XPO7: variants seen among roughly 807,000 people sequenced by gnomAD.
XPO7 encodes the protein exportin 7, also known as exportin-7.
A neutral mutation model predicts 144.3 loss-of-function variants in XPO7; 21 were observed. That is an observed-to-expected ratio of 0.15 (90% CI 0.10 to 0.21). XPO7 has a LOEUF of 0.21. XPO7 is among the 10% of genes least tolerant of loss of function. The pLI, the probability that XPO7 is intolerant of heterozygous loss-of-function variation, is 1.00. For synonymous variants in XPO7, 580 were observed against 499.6 expected (o/e 1.16, Z -2.15); for missense variants, 808 against 1,325.8 (o/e 0.61, Z 6.06).
chr8:22,002,721 T>TA (rs1385584528), intron 25 of XPO7, among the ~76,000 whole-genome samples: 1 of 152,188 alleles, frequency 6.6e-6, no homozygotes, highest in Non-Finnish European at 1.5e-5. Context: ...TGCCTTGAAG[T>TA]AACTTACAGA....
At chr8:21,928,436 C>T (rs966490732) in intron 1 of XPO7, among the ~76,000 whole-genome samples, 2 of 152,158 alleles carry the variant, frequency 1.3e-5, no homozygotes, top group Non-Finnish European at 2.9e-5. Context: ...ATTTTTATTT[C>T]TCTTGAGTAC....
chr8:21,985,797 C>A, intron 13 of XPO7, 106 bp downstream of exon 13: 1 of 904,518 alleles, frequency 1.1e-6, no homozygotes, highest in South Asian at 1.4e-5. Context: ...TGCTAACTGC[C>A]CATGAGACAC....
intron 1 of XPO7, among the ~76,000 whole-genome samples, chr8:21,930,258 T>A (rs1384052810): frequency 6.6e-6 from 1 of 152,230 alleles, no homozygotes; most frequent in Non-Finnish European, 1.5e-5. Flanking sequence ...GATACACACA[T>A]CAGTAAACAT....
intron 5 of XPO7, among the ~76,000 whole-genome samples, chr8:21,972,919 C>G (rs994955793): frequency 7.2e-5 from 11 of 152,182 alleles, no homozygotes; most frequent in Admixed American, 5.2e-4. Context: ...CATGCAATCC[C>G]CGTTGTGATC....
At chr8:21,924,654 T>C (rs1299145368) in intron 1 of XPO7, among the ~76,000 whole-genome samples, 1 of 152,154 alleles carries the variant, frequency 6.6e-6, no homozygotes, top group Non-Finnish European at 1.5e-5. Context: ...AGAGTGTGCC[T>C]ACACAAAATT....
At chr8:21,940,275 T>C (rs1349139422) in intron 1 of XPO7, among the ~76,000 whole-genome samples, 1 of 152,214 alleles carries the variant, frequency 6.6e-6, no homozygotes, top group African/African-American at 2.4e-5. Flanking sequence ...CCCTGCCTAT[T>C]TCTTTGTGAG....
At chr8:21,962,853 C>G (rs1811769149) in intron 1 of XPO7, among the ~76,000 whole-genome samples, 1 of 152,098 alleles carries the variant, frequency 6.6e-6, no homozygotes, top group Non-Finnish European at 1.5e-5. Context: ...TGGATACTCA[C>G]TTATTGACTA....
intron 1 of XPO7, among the ~76,000 whole-genome samples, chr8:21,922,778 AGACT>A (rs1810331374): frequency 6.6e-6 from 1 of 152,210 alleles, no homozygotes; most frequent in South Asian, 2.1e-4. Flanking sequence ...ATGGAAATGA[AGACT>A]GATTCCAGGA....
At chr8:21,951,597 C>T (rs796829277) in intron 1 of XPO7, among the ~76,000 whole-genome samples, 17 of 152,178 alleles carry the variant, frequency 1.1e-4, no homozygotes, top group African/African-American at 3.4e-4. Context: ...CAGTTAAAGC[C>T]CTTTTCTGAT....
chr8:21,948,000 T>C (rs1281802814), intron 1 of XPO7, among the ~76,000 whole-genome samples: 1 of 152,218 alleles, frequency 6.6e-6, no homozygotes. Context: ...ACAGTGGATT[T>C]GAAAACCAGA....
intron 26 of XPO7, 88 bp from the exon 27 acceptor site, chr8:22,003,812 GAGA>G (rs1344645504): frequency 1.9e-6 from 3 of 1,563,782 alleles, no homozygotes; most frequent in African/African-American, 2.7e-5. Context: ...TTCCTCCTTA[GAGA>G]AGAACATTCT....
intron 5 of XPO7, 120 bp from the exon 6 acceptor site, chr8:21,974,550 A>G: frequency 3.0e-6 from 2 of 663,022 alleles, no homozygotes; most frequent in Non-Finnish European, 5.0e-6. Context: ...TAAATGTTAA[A>G]AATGTATTTT....
rs910369490 is a variant in XPO7, at chr8:21,987,792, C to G, written c.1722C>G (p.Arg574=). ...DQVQKSSKLY[R]RLSEVLGLND... ...TCTCTTCTTAACACCAGCTGTACCG[C>G]CGACTCTCAGAAGTTCTGGGCTTGA... Residue 574 remains arginine, a synonymous_variant, in exon 15 of 28, where the codon CGC becomes CGG. Transcript: ENST00000252512. 9 of 1,613,778 alleles carry G rather than the reference C, an allele frequency of 5.6e-6. No homozygotes were observed. The African/African-American group carries it at 1.2e-4, about 22-fold the overall frequency.
intron 1 of XPO7, among the ~76,000 whole-genome samples, chr8:21,925,419 A>G (rs1191218839): frequency 1.3e-5 from 2 of 152,230 alleles, no homozygotes; most frequent in East Asian, 3.8e-4. Context: ...CACCGCAGCA[A>G]TGTAACATCG....
intron 1 of XPO7, among the ~76,000 whole-genome samples, chr8:21,947,257 T>C (rs541776349): frequency 6.6e-6 from 1 of 152,286 alleles, no homozygotes; most frequent in Admixed American, 6.5e-5. Flanking sequence ...TCACTGTTAC[T>C]CAAGAGGGGA....
intron 1 of XPO7, among the ~76,000 whole-genome samples, chr8:21,925,680 C>T (rs1348752421): frequency 6.6e-6 from 1 of 152,144 alleles, no homozygotes; most frequent in Non-Finnish European, 1.5e-5. Flanking sequence ...TTGGGAAACT[C>T]GTTTGGTCTC....
chr8:21,930,738 A>G (rs751885239), intron 1 of XPO7, among the ~76,000 whole-genome samples: 31 of 152,226 alleles, frequency 2.0e-4, no homozygotes, highest in Non-Finnish European at 3.4e-4. Context: ...GAGTAACTGA[A>G]TAATTACTGC....
At chr8:21,922,907 C>G (rs1488050354) in intron 1 of XPO7, among the ~76,000 whole-genome samples, 2 of 151,988 alleles carry the variant, frequency 1.3e-5, no homozygotes, top group African/African-American at 4.8e-5. Context: ...GTTTTAAATT[C>G]CAGGCACAGT....
intron 21 of XPO7, among the ~76,000 whole-genome samples, chr8:21,997,626 C>T (rs374899716): frequency 3.9e-5 from 6 of 152,094 alleles, no homozygotes; most frequent in Non-Finnish European, 7.4e-5. Flanking sequence ...CTAGTGCCTT[C>T]GCACAGCAGT....
Sources: allele counts gnomAD v4.1 joint callset (sites outside exome capture counted in the v4.1 genomes callset), GRCh38; gene constraint gnomAD v4.1.1; transcripts MANE v1.5; gene names NCBI Gene and HGNC (gene_info 2026-07-23, HGNC 2026-07-21).